Variants in HTR3E observed in about 807,000 individuals in gnomAD.
HTR3E encodes 5-hydroxytryptamine receptor 3E.
A neutral mutation model predicts 38.0 loss-of-function variants in HTR3E; 38 were observed. The observed-to-expected ratio is 1.00, with a 90% CI of 0.77 to 1.31. The LOEUF (loss-of-function observed/expected upper bound fraction) is 1.31, where lower values mean the gene tolerates loss of function less well. HTR3E is among the 50% of genes most tolerant of loss of function. The pLI is 0.00. For missense variants in HTR3E, 547 were observed against 585.2 expected (o/e 0.93, Z 0.67); for synonymous variants, 210 against 232.9 (o/e 0.90, Z 0.89).
At chr3:184,105,090 C>T (rs1012751190) in intron 5 of HTR3E, 134 bp downstream of exon 5, 19 of 1,178,914 alleles carry the variant, frequency 1.6e-5, no homozygotes, top group East Asian at 5.0e-5. Flanking sequence ...AAATATTTTC[C>T]ATAAAGGCAG....
chr3:184,105,507 C>T, intron 6 of HTR3E, 80 bp downstream of exon 6: 1 of 1,460,748 alleles, frequency 6.8e-7, no homozygotes, highest in Non-Finnish European at 9.2e-7. Context: ...ATGTATCTCC[C>T]AAGTTTCAGG....
intron 1 of HTR3E, among the ~76,000 whole-genome samples, chr3:184,098,889 C>G (rs1434783273): frequency 6.6e-6 from 1 of 151,678 alleles, no homozygotes; most frequent in East Asian, 1.9e-4. Context: ...ACTAAAAATA[C>G]AAAAACTAGC....
chr3:184,103,649 A>T (rs2108992754), intron 3 of HTR3E, among the ~76,000 whole-genome samples: 1 of 137,242 alleles, frequency 7.3e-6, no homozygotes, highest in African/African-American at 2.6e-5. Flanking sequence ...AAAAAAAAAA[A>T]TTAGCCAGAT....
intron 3 of HTR3E, among the ~76,000 whole-genome samples, chr3:184,102,373 A>G (rs944187115): frequency 6.7e-6 from 1 of 150,084 alleles, no homozygotes; most frequent in Non-Finnish European, 1.5e-5. Context: ...CTGAGATGGG[A>G]GGATCACTTG....
Position 184,105,253 on chromosome 3 carries a change from G to A in HTR3E, c.560-14G>A. Reference sequence around the variant, plus strand: ...ATCTCCTTGAAAAATGATTCAGATGGTTCTCATTTTCAGTGGACAGCATGT... The same window carrying A: ...ATCTCCTTGAAAAATGATTCAGATGATTCTCATTTTCAGTGGACAGCATGT... On this transcript the variant is annotated splice_polypyrimidine_tract_variant and intron_variant, in intron 5 of 8. Transcript: ENST00000415389. The A allele has an allele frequency of 6.3e-7, 1 of 1,597,224 alleles. No individual in the cohort carries two copies. Among genetic ancestry groups the A allele is most frequent in the Non-Finnish European group, 8.5e-7 (1 of 1,172,968 alleles).
chr3:184,101,568 CA>C, intron 3 of HTR3E, 39 bp downstream of exon 3: 1 of 1,498,122 alleles, frequency 6.7e-7, no homozygotes, highest in Non-Finnish European at 9.3e-7. Flanking sequence ...CAGTTACAGT[CA>C]AAAAGGATTT....
rs545760319 is a variant in HTR3E at position 184,101,859 on chromosome 3, G to A, written c.279+330G>A. Among the ~76,000 whole-genome samples, 10 of 152,246 alleles carry A rather than the reference G, an allele frequency of 6.6e-5. No homozygotes were observed. The South Asian group carries it at 1.7e-3, about 25-fold the overall frequency. On this transcript the variant is annotated intron_variant, in intron 3 of 8. Coordinates refer to ENST00000415389, the MANE Select transcript of HTR3E (RefSeq NM_001256613.2). ...ACAAAAATTAGCTGGGCATGGTGGC[G>A]GGCGCCTGTAATCCCAGCTACTTGG...
At chr3:184,105,492 C>G (rs1712371370) in intron 6 of HTR3E, 65 bp downstream of exon 6, 2 of 1,509,114 alleles carry the variant, frequency 1.3e-6, no homozygotes, top group Non-Finnish European at 1.8e-6. Flanking sequence ...GAATGTCCAT[C>G]AAATATGTAT....
chr3:184,105,733 T>C (rs149556634), intron 6 of HTR3E, 32 bp from the exon 7 acceptor site: 23 of 1,552,098 alleles, frequency 1.5e-5, no homozygotes, highest in Non-Finnish European at 1.9e-5. Context: ...TCTGACCCCA[T>C]AACTACTTAC....
intron 4 of HTR3E, 76 bp downstream of exon 4, chr3:184,104,367 A>T (rs1357557666): frequency 5.2e-6 from 8 of 1,543,856 alleles, no homozygotes; most frequent in Non-Finnish European, 8.7e-7. Context: ...CATTGGGGCC[A>T]CTGTAAGTGG....
At chr3:184,100,209 T>C in intron 1 of HTR3E, 1 of 1,405,124 alleles carries the variant, frequency 7.1e-7, no homozygotes, top group South Asian at 1.5e-5. Flanking sequence ...TTTTATTGGC[T>C]GTCTGACTGT....
At chr3:184,105,617 A>C in intron 6 of HTR3E, 148 bp from the exon 7 acceptor site, 1 of 912,400 alleles carries the variant, frequency 1.1e-6, no homozygotes, top group Non-Finnish European at 1.7e-6. Context: ...TCTATACCAG[A>C]TTCTAAAGCT....
intron 6 of HTR3E, 70 bp downstream of exon 6, chr3:184,105,497 A>G: frequency 6.7e-7 from 1 of 1,495,714 alleles, no homozygotes; most frequent in Non-Finnish European, 9.0e-7. Context: ...TCCATCAAAT[A>G]TGTATCTCCC....
chr3:184,098,013 T>C (rs1711756141), intron 1 of HTR3E, among the ~76,000 whole-genome samples: 1 of 152,188 alleles, frequency 6.6e-6, no homozygotes, highest in Admixed American at 6.6e-5. Flanking sequence ...ATTCTTTCTC[T>C]CTACAGGTAT....
chr3:184,103,645 A>C (rs1475109523), intron 3 of HTR3E, among the ~76,000 whole-genome samples: 3 of 150,216 alleles, frequency 2.0e-5, no homozygotes, highest in African/African-American at 7.4e-5. Flanking sequence ...AAAAAAAAAA[A>C]AAAATTAGCC....
At chr3:184,099,668 T>C (rs58669344) in intron 1 of HTR3E, among the ~76,000 whole-genome samples, 1 of 127,072 alleles carries the variant, frequency 7.9e-6, no homozygotes, top group African/African-American at 3.2e-5. Context: ...GAGCCGAGAT[T>C]GCGCCACTGC....
Position 184,106,209 on chromosome 3 carries a change from C to A in HTR3E, c.1007C>A (p.Ala336Asp). The A allele has an allele frequency of 6.2e-7, 1 of 1,612,740 alleles. No homozygotes were observed. Among genetic ancestry groups the A allele is most frequent in the Non-Finnish European group, 8.5e-7 (1 of 1,179,978 alleles). ...TIFITHLLHV[A>D]TTQPPPLPRW... ...TTCATCACCCACCTGCTGCACGTGG[C>A]CACCACCCAGCCCCCACCCCTGCCT... Residue 336 changes from alanine (A) to aspartate (D), a missense_variant, in exon 8 of 9, where the codon GCC becomes GAC. Transcript: ENST00000415389. The surrounding 1 kb of genome is among the most constrained non-coding windows in gnomAD (Gnocchi z 4.1).
chr3:184,106,273 G>C lies in HTR3E; in HGVS notation c.1071G>C (p.Pro357=), dbSNP rs555854728. The change falls in exon 8 of 9, where the codon CCG becomes CCC. Residue 357 remains proline, a synonymous_variant. Transcript: ENST00000415389. The surrounding 1 kb of genome is among the most constrained non-coding windows in gnomAD (Gnocchi z 4.1). ...LHSLLLHCNS[P]GRCCPTAPQK... ...CCCTGCTGCTCCACTGCAACAGCCC[G>C]GGGAGATGCTGTCCCACTGCGCCCC... is the stretch of plus-strand genomic sequence containing the variant. 13 of 1,613,032 alleles carry C rather than the reference G, an allele frequency of 8.1e-6. No individual in the cohort carries two copies. The highest frequency in any genetic ancestry group is 1.1e-5 in the Non-Finnish European group (13 of 1,179,968).
intron 2 of HTR3E, 113 bp downstream of exon 2, chr3:184,100,764 A>G (rs1711990350): frequency 6.9e-7 from 1 of 1,455,998 alleles, no homozygotes; most frequent in African/African-American, 1.4e-5. Flanking sequence ...CCACTGCTGG[A>G]TGGCATTTGC....
Sources: allele counts gnomAD v4.1 joint callset (sites outside exome capture counted in the v4.1 genomes callset), GRCh38; gene constraint gnomAD v4.1.1; non-coding constraint Gnocchi (gnomAD v3.1); transcripts MANE v1.5; gene names NCBI Gene and HGNC (gene_info 2026-07-23, HGNC 2026-07-21).